Variants in LDLRAD4 observed in about 807,000 individuals in gnomAD.
LDLRAD4 encodes low density lipoprotein receptor class A domain containing 4.
LDLRAD4 carries 5 observed loss-of-function variants against 17.0 expected under a neutral mutation model. The observed-to-expected ratio is 0.29, with a 90% CI of 0.15 to 0.62. The LOEUF (loss-of-function observed/expected upper bound fraction) is 0.62, where lower values mean the gene tolerates loss of function less well. Among genes scored for constraint, LDLRAD4 ranks in the 20% least tolerant of loss-of-function variants. The pLI is 0.84. For synonymous variants in LDLRAD4, 168 were observed against 171.8 expected (o/e 0.98, Z 0.17); for missense variants, 340 against 424.7 (o/e 0.80, Z 1.75).
rs58631242 is a variant in LDLRAD4, at chr18:13,570,368, G to A, written c.182-50749G>A. 6.1e-3 allele frequency among the ~76,000 whole-genome samples: 922 copies of A among 152,316 alleles called. 8 individuals carry two copies. The highest frequency in any genetic ancestry group is 0.021 in the African/African-American group (854 of 41,544). ...TCGTTGCCTAGACAACCAGCAGGCG[G>A]GAGCCCAGACGCCGGTCCACACAGG... On this transcript the variant is annotated intron_variant, in intron 3 of 5. Coordinates refer to ENST00000359446, the Ensembl canonical transcript of LDLRAD4.
intron 3 of LDLRAD4, among the ~76,000 whole-genome samples, chr18:13,540,460 A>G (rs1319647862): frequency 6.7e-6 from 1 of 150,050 alleles, no homozygotes; most frequent in Non-Finnish European, 1.5e-5. Context: ...ATCCTATATA[A>G]CCTTTTTTTC....
chr18:13,485,278 C>G (rs562446919), intron 3 of LDLRAD4, among the ~76,000 whole-genome samples: 1 of 152,304 alleles, frequency 6.6e-6, no homozygotes, highest in South Asian at 2.1e-4. Flanking sequence ...TTTCCACTGA[C>G]CCCACAAAGC....
At chr18:13,363,088 T>C (rs1298531216) in intron 1 of LDLRAD4, among the ~76,000 whole-genome samples, 1 of 152,106 alleles carries the variant, frequency 6.6e-6, no homozygotes, top group African/African-American at 2.4e-5. Flanking sequence ...CCCAGCACTT[T>C]GGGAAGCAGA....
chr18:13,622,816 C>T lies in LDLRAD4; in HGVS notation c.336+1545C>T, dbSNP rs1021953263. Among the ~76,000 whole-genome samples, 6 of 152,228 alleles carry T rather than the reference C, an allele frequency of 3.9e-5. No homozygotes were observed. Among genetic ancestry groups the T allele is most frequent in the Admixed American group, 2.6e-4 (4 of 15,284 alleles). On this transcript the variant is annotated intron_variant, in intron 4 of 5. Coordinates refer to ENST00000359446, the Ensembl canonical transcript of LDLRAD4. The surrounding 1 kb of genome is among the most constrained non-coding windows in gnomAD (Gnocchi z 5.3). ...ATCGCTGCTTTGCCTTAATGTATTA[C>T]GGGCTGTGAACGCCACCCCTGGACT...
At position 13,610,348 on chromosome 18, in the gene LDLRAD4, C is replaced by T. The variant is rs542647054; in HGVS notation, c.182-10769C>T. ...TGTCGCCCAGGCTGGAGTGAAGTGG[C>T]CCTATCTTGGCTCATGGCAACTTCT... is the stretch of plus-strand genomic sequence containing the variant. On this transcript the variant is annotated intron_variant, in intron 3 of 5. Transcript: ENST00000359446. Among the ~76,000 whole-genome samples the T allele has an allele frequency of 2.1e-4, 27 of 129,664 alleles. No individual in the cohort carries two copies. In the Admixed American group the frequency reaches 2.2e-3, roughly 11 times the overall value. The allele number at this position is 129,664 out of a possible 152,430, so 85.1% of individuals were successfully genotyped here.
chr18:13,589,876 G>T (rs1466633843), intron 3 of LDLRAD4, among the ~76,000 whole-genome samples: 1 of 152,174 alleles, frequency 6.6e-6, no homozygotes, highest in Non-Finnish European at 1.5e-5. Context: ...GGCAGACGGG[G>T]TCTCTGATCC....
chr18:13,607,563 A>G (rs954742441), intron 3 of LDLRAD4, among the ~76,000 whole-genome samples: 2 of 152,142 alleles, frequency 1.3e-5, no homozygotes, highest in African/African-American at 2.4e-5. Flanking sequence ...TGTATGCATT[A>G]GTTATTTGTC....
chr18:13,518,384 C>T (rs58058675), intron 3 of LDLRAD4, among the ~76,000 whole-genome samples: 1 of 152,178 alleles, frequency 6.6e-6, no homozygotes, highest in Admixed American at 6.5e-5. Flanking sequence ...GAAGCTGTAT[C>T]TGTTCTTTTC....
rs531651676 is a variant in LDLRAD4, at chr18:13,464,111, G to A, written c.181+25727G>A. On this transcript the variant is annotated intron_variant, in intron 3 of 5. Coordinates refer to ENST00000359446, the Ensembl canonical transcript of LDLRAD4. Reference sequence around the variant, plus strand: ...AGAATATGAATGAGCTATTTACTGGGTAACAAAAAGACAAGCCTTTCAAGT... The same window carrying A: ...AGAATATGAATGAGCTATTTACTGGATAACAAAAAGACAAGCCTTTCAAGT... 8.5e-5 allele frequency among the ~76,000 whole-genome samples: 13 copies of A among 152,266 alleles called. No individual in the cohort carries two copies. The South Asian group carries it at 2.7e-3, about 32-fold the overall frequency.
chr18:13,542,721 C>G lies in LDLRAD4; in HGVS notation c.182-78396C>G, dbSNP rs116204414. 8.1e-3 allele frequency among the ~76,000 whole-genome samples: 1,229 copies of G among 152,292 alleles called. 19 individuals carry two copies. The highest frequency in any genetic ancestry group is 0.028 in the African/African-American group (1,181 of 41,564). On this transcript the variant is annotated intron_variant, in intron 3 of 5. Transcript: ENST00000359446. ...AGAACACTTTCCTCTGCACTTACTT[C>G]ATTCTGGTTTTTCTTTTGGGTCCTT...
chr18:13,263,775 A>G (rs901157058), intron 1 of LDLRAD4, among the ~76,000 whole-genome samples: 1 of 152,188 alleles, frequency 6.6e-6, no homozygotes, highest in Non-Finnish European at 1.5e-5. Context: ...AGTGTATGTT[A>G]TGGTTAAAGT....
intron 2 of LDLRAD4, among the ~76,000 whole-genome samples, chr18:13,428,756 T>C (rs1439132461): frequency 1.3e-5 from 2 of 151,640 alleles, no homozygotes; most frequent in Admixed American, 1.3e-4. Context: ...AAGGAAGGGG[T>C]TATGGATGAC....
chr18:13,586,784 G>A (rs532858616), intron 3 of LDLRAD4, among the ~76,000 whole-genome samples: 21 of 151,806 alleles, frequency 1.4e-4, no homozygotes, highest in African/African-American at 4.8e-4. Context: ...CATATCAGGA[G>A]GCTGAGTTGG....
intron 1 of LDLRAD4, among the ~76,000 whole-genome samples, chr18:13,344,962 C>T (rs1390293523): frequency 6.6e-6 from 1 of 152,178 alleles, no homozygotes; most frequent in Non-Finnish European, 1.5e-5. Flanking sequence ...AGTTGCTTAT[C>T]AGCTTAAGGA....
intron 3 of LDLRAD4, among the ~76,000 whole-genome samples, chr18:13,552,625 G>A (rs1185253828): frequency 3.3e-5 from 5 of 152,162 alleles, no homozygotes; most frequent in East Asian, 1.9e-4. Flanking sequence ...TCCTAACGAC[G>A]GGGAGAGGCT....
At chr18:13,469,264 A>G (rs1467957510) in intron 3 of LDLRAD4, among the ~76,000 whole-genome samples, 3 of 152,234 alleles carry the variant, frequency 2.0e-5, no homozygotes, top group Non-Finnish European at 4.4e-5. Context: ...GAGAAATTGG[A>G]ACCCCTTTTT....
intron 1 of LDLRAD4, among the ~76,000 whole-genome samples, chr18:13,224,755 C>T (rs1375850398): frequency 6.6e-6 from 1 of 151,738 alleles, no homozygotes; most frequent in African/African-American, 2.4e-5. Context: ...GCTGAGATTA[C>T]AGGCATGAGC....
chr18:13,275,901 G>A (rs932741894), upstream of LDLRAD4, among the ~76,000 whole-genome samples: 3 of 152,208 alleles, frequency 2.0e-5, no homozygotes, highest in Admixed American at 6.5e-5. Flanking sequence ...TCCACTTTTG[G>A]TAGATGAGGC....
intron 3 of LDLRAD4, among the ~76,000 whole-genome samples, chr18:13,583,519 AGTGTT>A (rs1220784110): frequency 2.0e-5 from 3 of 151,722 alleles, no homozygotes; most frequent in African/African-American, 7.3e-5. Context: ...GTAAAAAATA[AGTGTT>A]ATTAGAGTTC....
Sources: gnomAD v4.1 joint callset for allele counts (sites outside exome capture counted in the v4.1 genomes callset) on GRCh38, gnomAD v4.1.1 for gene constraint, Gnocchi (gnomAD v3.1) non-coding constraint, MANE v1.5 for transcripts, NCBI Gene and HGNC (gene_info 2026-07-23, HGNC 2026-07-21) for gene names.